The following MAGI1 variants were observed in gnomAD, a reference collection of about 807,000 sequenced individuals.
MAGI1 encodes the protein membrane associated guanylate kinase, WW and PDZ domain containing 1.
MAGI1 carries 58 observed loss-of-function variants against 139.9 expected under a neutral mutation model. The observed-to-expected ratio is 0.41, with a 90% CI of 0.34 to 0.52. The LOEUF (loss-of-function observed/expected upper bound fraction) is 0.52, where lower values mean the gene tolerates loss of function less well. MAGI1 is among the 20% of genes least tolerant of loss of function. The pLI is 0.12. For missense variants in MAGI1, 1,874 were observed against 1,901.6 expected (o/e 0.99, Z 0.27); for synonymous variants, 812 against 737.9 (o/e 1.10, Z -1.63).
At chr3:65,720,542 C>T (rs2032881809) in intron 1 of MAGI1, among the ~76,000 whole-genome samples, 1 of 152,132 alleles carries the variant, frequency 6.6e-6, no homozygotes, top group Non-Finnish European at 1.5e-5. Flanking sequence ...TTAGCCTGTA[C>T]TTCTAGAATG....
At chr3:65,982,737 T>C (rs985482024) in intron 1 of MAGI1, among the ~76,000 whole-genome samples, 3 of 152,140 alleles carry the variant, frequency 2.0e-5, no homozygotes, top group Non-Finnish European at 4.4e-5. Flanking sequence ...ACCATTATAG[T>C]GACTGTATAT....
chr3:65,372,252 C>T (rs1307464384), intron 18 of MAGI1, among the ~76,000 whole-genome samples: 2 of 152,322 alleles, frequency 1.3e-5, no homozygotes, highest in East Asian at 3.9e-4. Flanking sequence ...ATGAGAACAA[C>T]ATTCATTTCC....
At chr3:65,875,756 GA>G (rs1044862111) in intron 1 of MAGI1, among the ~76,000 whole-genome samples, 3 of 152,142 alleles carry the variant, frequency 2.0e-5, no homozygotes, top group African/African-American at 7.2e-5. Context: ...TGAAGAAGAA[GA>G]TAAAGGAATA....
intron 2 of MAGI1, among the ~76,000 whole-genome samples, chr3:65,603,447 T>C (rs1475169996): frequency 6.6e-6 from 1 of 152,208 alleles, no homozygotes; most frequent in Non-Finnish European, 1.5e-5. Flanking sequence ...TAATAAAAAT[T>C]TGACAATTAT....
intron 1 of MAGI1, among the ~76,000 whole-genome samples, chr3:65,868,544 G>A (rs1293175011): frequency 6.6e-6 from 1 of 152,132 alleles, no homozygotes; most frequent in Non-Finnish European, 1.5e-5. Flanking sequence ...ATCAGTTATG[G>A]GGTATCACAA....
chr3:65,852,380 G>A (rs1207425992), intron 1 of MAGI1, among the ~76,000 whole-genome samples: 1 of 151,986 alleles, frequency 6.6e-6, no homozygotes, highest in African/African-American at 2.4e-5. Context: ...TTGCTCTCAC[G>A]TTGTGTTTCA....
chr3:65,635,142 G>A (rs1364369106), intron 1 of MAGI1, among the ~76,000 whole-genome samples: 2 of 152,146 alleles, frequency 1.3e-5, no homozygotes, highest in Non-Finnish European at 2.9e-5. Context: ...GTGGCTCTCT[G>A]CAACCTCCAC....
intron 1 of MAGI1, among the ~76,000 whole-genome samples, chr3:65,647,014 G>T (rs1482237199): frequency 1.3e-5 from 2 of 151,698 alleles, no homozygotes; most frequent in African/African-American, 4.8e-5. Context: ...GGAGAAAAGG[G>T]GAAATAATAA....
intron 1 of MAGI1, among the ~76,000 whole-genome samples, chr3:65,880,908 CGT>C (rs11271375): frequency 1.2e-3 from 181 of 144,942 alleles, no homozygotes; most frequent in Non-Finnish European, 1.7e-3. Context: ...ATATCTCTGG[CGT>C]GTGTGTGTGT....
chr3:65,561,294 T>A (rs1034539458), intron 2 of MAGI1, among the ~76,000 whole-genome samples: 2 of 152,152 alleles, frequency 1.3e-5, no homozygotes, highest in Non-Finnish European at 2.9e-5. Context: ...GTTTCCCCCG[T>A]ATTGTTGTAT....
chr3:65,663,578 T>G (rs1017707871), intron 1 of MAGI1, among the ~76,000 whole-genome samples: 2 of 152,178 alleles, frequency 1.3e-5, no homozygotes, highest in Non-Finnish European at 1.5e-5. Flanking sequence ...CTTTACAGAT[T>G]ACTTCATTCA....
intron 1 of MAGI1, among the ~76,000 whole-genome samples, chr3:65,743,859 A>G (rs981066393): frequency 3.9e-5 from 6 of 152,184 alleles, no homozygotes; most frequent in East Asian, 1.9e-4. Context: ...ACATTTTAAT[A>G]TAATAAAATA....
In MAGI1 at chr3:65,421,822, T is replaced by A. The variant is rs377286600; in HGVS notation, c.2167+7698A>T. On this transcript the variant is annotated intron_variant, in intron 12 of 22. Transcript: ENST00000402939. ...CCCAAGCACTTATACTTTACAAGTCTTAAATCCTCTGAGTGTGAATTCCTT... is the reference window on the plus strand; with the variant it reads ...CCCAAGCACTTATACTTTACAAGTCATAAATCCTCTGAGTGTGAATTCCTT... Among the ~76,000 whole-genome samples the A allele has an allele frequency of 3.6e-4, 55 of 152,296 alleles. 1 individual carries two copies. In the South Asian group the frequency reaches 0.011, roughly 31 times the overall value.
At chr3:65,365,927 C>A (rs1279761981) in intron 18 of MAGI1, among the ~76,000 whole-genome samples, 3 of 152,212 alleles carry the variant, frequency 2.0e-5, no homozygotes, top group African/African-American at 7.2e-5. Flanking sequence ...AGACATCCCA[C>A]AAATCCCAAC....
intron 2 of MAGI1, among the ~76,000 whole-genome samples, chr3:65,569,441 G>T (rs900609075): frequency 6.6e-6 from 1 of 152,098 alleles, no homozygotes; most frequent in Non-Finnish European, 1.5e-5. Flanking sequence ...TTTTTGTTAT[G>T]TATATTTTAC....
chr3:65,750,012 G>A (rs939479827), intron 1 of MAGI1, among the ~76,000 whole-genome samples: 3 of 152,108 alleles, frequency 2.0e-5, no homozygotes, highest in Non-Finnish European at 2.9e-5. Context: ...CACAACAAAC[G>A]AGGAAAACCC....
intron 2 of MAGI1, among the ~76,000 whole-genome samples, chr3:65,595,891 C>A (rs149615934): frequency 6.6e-6 from 1 of 152,072 alleles, no homozygotes; most frequent in Non-Finnish European, 1.5e-5. Flanking sequence ...CATCCCCTTT[C>A]CCAAAGCCAA....
chr3:65,971,158 G>T (rs1260587800), intron 1 of MAGI1, among the ~76,000 whole-genome samples: 4 of 152,188 alleles, frequency 2.6e-5, no homozygotes, highest in African/African-American at 9.7e-5. Flanking sequence ...AGCCAAGATT[G>T]TGCCACTGCA....
rs142472988 is a variant in MAGI1, at chr3:65,574,516, A to T, written c.430+47456T>A. Among the ~76,000 whole-genome samples, 969 of 151,928 alleles carry T rather than the reference A, an allele frequency of 6.4e-3. 7 individuals carry two copies. The highest frequency in any genetic ancestry group is 0.021 in the African/African-American group (881 of 41,496). ...CCTATTCATGGGCAATACTTTTAAA[A>T]TGTCCATTCTCCACATATTCATCTA... On this transcript the variant is annotated intron_variant, in intron 2 of 22. Coordinates refer to ENST00000402939, the MANE Select transcript of MAGI1 (RefSeq NM_001033057.2).
Sources: gnomAD v4.1 joint callset for allele counts (sites outside exome capture counted in the v4.1 genomes callset) on GRCh38, gnomAD v4.1.1 for gene constraint, MANE v1.5 for transcripts, NCBI Gene and HGNC (gene_info 2026-07-23, HGNC 2026-07-21) for gene names.